Variants in GMEB1 observed in about 807,000 individuals in gnomAD.
GMEB1 encodes glucocorticoid modulatory element-binding protein 1.
In GMEB1, 6 loss-of-function variants were observed where a neutral mutation model predicts 52.4. The ratio of observed to expected loss-of-function variants is 0.11; its 90% CI spans 0.06 to 0.23. The LOEUF (loss-of-function observed/expected upper bound fraction) is 0.23, where lower values mean the gene tolerates loss of function less well. GMEB1 is among the 10% of genes least tolerant of loss of function. The pLI is 1.00. For missense variants in GMEB1, 486 were observed against 685.6 expected (o/e 0.71, Z 3.25); for synonymous variants, 255 against 244.9 (o/e 1.04, Z -0.38).
intron 5 of GMEB1, among the ~76,000 whole-genome samples, chr1:28,693,959 A>G (rs1670082314): frequency 6.6e-6 from 1 of 152,142 alleles, no homozygotes; most frequent in Non-Finnish European, 1.5e-5. Flanking sequence ...AAAGACTTCT[A>G]AAGTCAATTA....
intron 1 of GMEB1, among the ~76,000 whole-genome samples, chr1:28,671,037 G>C (rs189296455): frequency 1.3e-5 from 2 of 152,176 alleles, no homozygotes; most frequent in African/African-American, 4.8e-5. Flanking sequence ...CTACATAATA[G>C]TCTCCAGTCT....
intron 1 of GMEB1, among the ~76,000 whole-genome samples, chr1:28,682,980 G>T (rs1040308834): frequency 1.3e-5 from 2 of 152,130 alleles, no homozygotes; most frequent in Non-Finnish European, 2.9e-5. Context: ...CTCGAAGTTG[G>T]AAGAGATATG....
At chr1:28,675,593 T>C (rs1033358130) in intron 1 of GMEB1, among the ~76,000 whole-genome samples, 1 of 147,198 alleles carries the variant, frequency 6.8e-6, no homozygotes, top group Non-Finnish European at 1.5e-5. Flanking sequence ...GGCACAACAA[T>C]CGCTTGAACC....
At chr1:28,670,142 T>G (rs569459265) in intron 1 of GMEB1, among the ~76,000 whole-genome samples, 2 of 152,288 alleles carry the variant, frequency 1.3e-5, no homozygotes, top group South Asian at 4.1e-4. Context: ...CAAAGTGCAT[T>G]TGGGGACCCT....
chr1:28,706,977 G>GTTTTTTTTT (rs1237383046), intron 8 of GMEB1, among the ~76,000 whole-genome samples: 1 of 82,770 alleles, frequency 1.2e-5, no homozygotes, highest in Non-Finnish European at 2.2e-5. Flanking sequence ...TCCAGATTTG[G>GTTTTTTTTT]TTTTTTTTTT....
intron 3 of GMEB1, among the ~76,000 whole-genome samples, chr1:28,690,907 G>A (rs1219407444): frequency 6.6e-6 from 1 of 152,064 alleles, no homozygotes; most frequent in Admixed American, 6.6e-5. Flanking sequence ...TTGAACCCGG[G>A]AGGTGGAGGT....
rs1471103708 is a variant in GMEB1, at chr1:28,714,380, T to C, written c.1299T>C (p.Pro433=). 1 of 1,614,220 alleles carries C rather than the reference T, an allele frequency of 6.2e-7. No homozygotes were observed. The highest frequency in any genetic ancestry group is 1.7e-5 in the Admixed American group (1 of 60,036). ...PVTVHTLPSG[P]QLFRYATVVS... Reference sequence around the variant, plus strand: ...CTGTCCACACACTGCCTTCTGGCCCTCAGCTCTTCCGCTATGCCACAGTGG... The same window carrying C: ...CTGTCCACACACTGCCTTCTGGCCCCCAGCTCTTCCGCTATGCCACAGTGG... Residue 433 remains proline (P), a synonymous_variant, in exon 10 of 10, where the codon CCT becomes CCC. Transcript: ENST00000373816.
intron 8 of GMEB1, among the ~76,000 whole-genome samples, chr1:28,709,349 C>G (rs191773919): frequency 5.9e-5 from 9 of 152,012 alleles, no homozygotes; most frequent in Middle Eastern, 3.4e-3. Context: ...GCATGCCAGT[C>G]CCCATGTTTG....
intron 1 of GMEB1, among the ~76,000 whole-genome samples, chr1:28,676,793 C>T (rs1297494822): frequency 1.3e-5 from 2 of 152,010 alleles, no homozygotes; most frequent in Non-Finnish European, 2.9e-5. Context: ...AGTGGCCGGG[C>T]GCCATGGCTC....
chr1:28,692,361 A>G (rs1167114197), intron 4 of GMEB1, among the ~76,000 whole-genome samples: 1 of 151,916 alleles, frequency 6.6e-6, no homozygotes, highest in African/African-American at 2.4e-5. Context: ...GTGAAACCCC[A>G]TCTCTACTAA....
chr1:28,669,183 C>T (rs1668762098), intron 1 of GMEB1, among the ~76,000 whole-genome samples: 1 of 151,638 alleles, frequency 6.6e-6, no homozygotes, highest in East Asian at 2.0e-4. Context: ...GCCCCCGGAC[C>T]GAGGGGCCCG....
chr1:28,687,380 ACACAC>A lies in GMEB1; in HGVS notation c.129-2723_129-2719del, dbSNP rs1378605936. ...CACACACACACACACACACACACAC[ACACAC>A]ACAAAAAAAGACAGTGGAGAATAAT... On this transcript the variant is annotated intron_variant, in intron 2 of 9. Transcript: ENST00000373816. Among the ~76,000 whole-genome samples, 274 of 125,130 alleles carry A rather than the reference ACACAC, an allele frequency of 2.2e-3. 45 individuals carry two copies. The highest frequency in any genetic ancestry group is 2.9e-3 in the Non-Finnish European group (171 of 58,084). 82.1% of individuals were successfully genotyped at this position (125,130 alleles called of 152,430 possible). A position where few individuals can be genotyped will look rare whatever the true frequency, so the allele number is the denominator to read the frequency against.
At chr1:28,674,111 T>A (rs1669024890) in intron 1 of GMEB1, among the ~76,000 whole-genome samples, 2 of 150,426 alleles carry the variant, frequency 1.3e-5, no homozygotes, top group South Asian at 4.2e-4. Flanking sequence ...GACCCTGCCA[T>A]TGCACTCCAG....
intron 2 of GMEB1, chr1:28,689,902 G>T: frequency 4.2e-6 from 2 of 470,714 alleles, no homozygotes; most frequent in East Asian, 3.5e-5. Context: ...GAGAGTTGTG[G>T]ATTCATTTTC....
At chr1:28,700,736 C>T (rs1382885640) in intron 6 of GMEB1, among the ~76,000 whole-genome samples, 2 of 151,672 alleles carry the variant, frequency 1.3e-5, no homozygotes, top group African/African-American at 4.8e-5. Flanking sequence ...TGTGTGTATC[C>T]AGTGGGTGAA....
intron 2 of GMEB1, among the ~76,000 whole-genome samples, chr1:28,684,920 C>T (rs1669569358): frequency 6.6e-6 from 1 of 152,144 alleles, no homozygotes; most frequent in Admixed American, 6.6e-5. Context: ...TATGAATCTT[C>T]AGCATAACCA....
At position 28,716,712 on chromosome 1, in the gene GMEB1, A is replaced by G. The variant is rs984705637; in HGVS notation, c.*1939A>G. The G allele has an allele frequency of 1.4e-5, 2 of 142,634 alleles. No homozygotes were observed. The highest frequency in any genetic ancestry group is 3.1e-5 in the Non-Finnish European group (2 of 65,492). The allele number at this position is 142,634 out of a possible 1,614,324, so 8.8% of individuals were successfully genotyped here. ...TGTCTGCAACATTATATTATAGGAAATGTACCAGGAATGTCAATAATAATG... is the reference window on the plus strand; with the variant it reads ...TGTCTGCAACATTATATTATAGGAAGTGTACCAGGAATGTCAATAATAATG... On this transcript the variant is annotated 3_prime_UTR_variant, in exon 10 of 10. Transcript: ENST00000373816.
Position 28,692,504 on chromosome 1 carries a change from C to T in GMEB1, c.337-438C>T, listed in dbSNP as rs1267660202. On this transcript the variant is annotated intron_variant, in intron 4 of 9. Coordinates refer to ENST00000373816, the MANE Select transcript of GMEB1 (RefSeq NM_001319674.2). ...TGAGATTGCGCTGTTGCACTCCAGT[C>T]TAGGTGACAGAGTGAGACTCTGTCT... is the stretch of plus-strand genomic sequence containing the variant. Among the ~76,000 whole-genome samples the T allele has an allele frequency of 2.0e-5, 3 of 150,694 alleles. No individual in the cohort carries two copies. In the East Asian group the frequency reaches 5.9e-4, roughly 29 times the overall value.
intron 7 of GMEB1, among the ~76,000 whole-genome samples, chr1:28,703,389 C>T (rs56169259): frequency 0.2 from 29,858 of 152,012 alleles, 3,681 homozygotes; most frequent in Middle Eastern, 0.3. Flanking sequence ...AGACCAGGTG[C>T]GGTGGCTCAT....
Sources: gnomAD v4.1 joint callset for allele counts (sites outside exome capture counted in the v4.1 genomes callset) on GRCh38, gnomAD v4.1.1 for gene constraint, MANE v1.5 for transcripts, NCBI Gene and HGNC (gene_info 2026-07-23, HGNC 2026-07-21) for gene names.